Variants in CELF4 observed in about 807,000 individuals in gnomAD.
The protein encoded by CELF4 is CUG-BP- and ETR-3-like factor 4.
Under a neutral mutation model 59.9 loss-of-function variants are expected in CELF4, and 18 were observed. That is an observed-to-expected ratio of 0.30 (90% CI 0.21 to 0.45). The LOEUF (loss-of-function observed/expected upper bound fraction) is 0.45. CELF4 is among the 20% of genes least tolerant of loss of function. CELF4 has a pLI of 1.00. For synonymous variants in CELF4, 261 were observed against 267.1 expected (o/e 0.98, Z 0.22); for missense variants, 456 against 689.0 (o/e 0.66, Z 3.79).
At chr18:37,406,096 C>T (rs1021717438) in intron 2 of CELF4, among the ~76,000 whole-genome samples, 3 of 151,970 alleles carry the variant, frequency 2.0e-5, no homozygotes, top group African/African-American at 4.8e-5. Context: ...GAAACTGCCT[C>T]GCTGAGTTGT....
intron 2 of CELF4, among the ~76,000 whole-genome samples, chr18:37,482,996 G>C (rs2099872538): frequency 6.6e-6 from 1 of 152,136 alleles, no homozygotes; most frequent in Non-Finnish European, 1.5e-5. Context: ...GTCAGACATA[G>C]AGTGTGCTTG....
intron 1 of CELF4, among the ~76,000 whole-genome samples, chr18:37,523,503 G>A (rs561256818): frequency 1.4e-4 from 21 of 152,292 alleles, no homozygotes; most frequent in African/African-American, 5.1e-4. Context: ...TGGTGACCCC[G>A]GCTGGGGAGA....
At chr18:37,410,156 A>T (rs539876246) in intron 2 of CELF4, among the ~76,000 whole-genome samples, 14 of 152,244 alleles carry the variant, frequency 9.2e-5, no homozygotes, top group African/African-American at 3.4e-4. Flanking sequence ...GGAGAAGAGC[A>T]AAGCTGGACT....
Position 37,562,782 on chromosome 18 carries a change from C to T in CELF4, c.286+2574G>A, listed in dbSNP as rs577459459. On this transcript the variant is annotated intron_variant, in intron 1 of 12. Transcript: ENST00000420428. ...GACTGAATAAACCAGACCTCGGAAA[C>T]GGTCTCATTTATTCAGCTCTCTGAG... Among the ~76,000 whole-genome samples the T allele has an allele frequency of 1.2e-4, 18 of 152,264 alleles. No homozygotes were observed. The East Asian group carries it at 1.4e-3, about 11-fold the overall frequency.
chr18:37,442,799 G>T (rs543324925), intron 2 of CELF4, among the ~76,000 whole-genome samples: 3 of 152,298 alleles, frequency 2.0e-5, no homozygotes, highest in East Asian at 1.9e-4. Context: ...TTACGGAGGC[G>T]CCTTGCAATT....
chr18:37,259,218 A>C lies in CELF4; in HGVS notation c.1296T>G (p.Phe432Leu). 1 of 1,576,788 alleles carries C rather than the reference A, an allele frequency of 6.3e-7. No homozygotes were observed. The change falls in exon 11 of 13, where the codon TTT becomes TTG. Residue 432 changes from phenylalanine to leucine, a missense_variant. Phe to Leu is a conservative substitution (Grantham distance 22). This residue lies in a region of CELF4 where 256 missense variants were observed against 340.8 expected (regional missense o/e 0.75). Transcript: ENST00000420428. ...NLFIYHLPQE[F>L]GDAELMQMFL... ...ACATCTGCATCAGCTCAGCGTCCCCAAACTCCTGGGGCAGATGGTAGATGA... is the reference window on the plus strand; with the variant it reads ...ACATCTGCATCAGCTCAGCGTCCCCCAACTCCTGGGGCAGATGGTAGATGA...
chr18:37,414,503 CTT>C (rs55943928), intron 2 of CELF4, among the ~76,000 whole-genome samples: 4 of 116,066 alleles, frequency 3.4e-5, no homozygotes, highest in Non-Finnish European at 6.6e-5. Context: ...CTTTTCTTTT[CTT>C]TTTTTTTTTT....
intron 2 of CELF4, among the ~76,000 whole-genome samples, chr18:37,460,765 C>T (rs777156323): frequency 1.3e-5 from 2 of 152,236 alleles, no homozygotes; most frequent in Admixed American, 6.5e-5. Flanking sequence ...TTACTCAACA[C>T]TGGTTCCCAC....
intron 2 of CELF4, among the ~76,000 whole-genome samples, chr18:37,335,514 G>GTGT (rs1569565865): frequency 6.7e-6 from 1 of 149,212 alleles, no homozygotes; most frequent in African/African-American, 2.5e-5. Flanking sequence ...TGTGTGTGTG[G>GTGT]AGGTGTGGGG....
At chr18:37,485,680 C>G in intron 1 of CELF4, 73 bp from the exon 2 acceptor site, 1 of 986,896 alleles carries the variant, frequency 1.0e-6, no homozygotes, top group Non-Finnish European at 1.4e-6. Context: ...CTGCCGCCCG[C>G]CCTCCAGGCT....
At chr18:37,247,629 A>ACACGCACACACACG (rs2062842733) in intron 12 of CELF4, 1 of 152,118 alleles carries the variant, frequency 6.6e-6, no homozygotes, top group Non-Finnish European at 1.5e-5. Flanking sequence ...CAACACACAC[A>ACACGCACACACACG]CACGCACACA....
intron 2 of CELF4, among the ~76,000 whole-genome samples, chr18:37,472,324 C>T (rs756927957): frequency 3.3e-5 from 5 of 152,248 alleles, no homozygotes; most frequent in Non-Finnish European, 4.4e-5. Context: ...CTGCGGCCAG[C>T]CCTGCACTAG....
chr18:37,473,811 G>C (rs1037713750), intron 2 of CELF4: 1 of 152,192 alleles, frequency 6.6e-6, no homozygotes, highest in Non-Finnish European at 1.5e-5. Flanking sequence ...AATATTATCC[G>C]GCCCTTCTCC....
intron 2 of CELF4, among the ~76,000 whole-genome samples, chr18:37,465,040 T>A (rs149128417): frequency 1.1e-3 from 162 of 152,278 alleles, no homozygotes; most frequent in African/African-American, 3.7e-3. Flanking sequence ...CAGGCCTTAC[T>A]TAGTTTCCTC....
intron 1 of CELF4, among the ~76,000 whole-genome samples, chr18:37,517,886 C>T (rs1160600143): frequency 6.6e-6 from 1 of 152,168 alleles, no homozygotes; most frequent in East Asian, 1.9e-4. Context: ...GGCAGATCAC[C>T]TGTGTTCCAG....
At chr18:37,504,333 A>G (rs535929577) in intron 1 of CELF4, among the ~76,000 whole-genome samples, 12 of 152,050 alleles carry the variant, frequency 7.9e-5, no homozygotes, top group Non-Finnish European at 1.5e-4. Context: ...TCTACTAAAA[A>G]TACAAAATTA....
At chr18:37,493,974 G>A (rs1263872415) in intron 1 of CELF4, among the ~76,000 whole-genome samples, 2 of 152,310 alleles carry the variant, frequency 1.3e-5, no homozygotes, top group South Asian at 2.1e-4. Context: ...AGACAGAGAT[G>A]TGCACAGAGC....
chr18:37,490,608 G>C (rs1207249512), intron 1 of CELF4, among the ~76,000 whole-genome samples: 1 of 152,102 alleles, frequency 6.6e-6, no homozygotes, highest in Non-Finnish European at 1.5e-5. Flanking sequence ...GCGGTGCTGG[G>C]AGTTGACACA....
chr18:37,504,360 C>T (rs544772336), intron 1 of CELF4, among the ~76,000 whole-genome samples: 7 of 150,094 alleles, frequency 4.7e-5, no homozygotes, highest in Admixed American at 3.3e-4. Flanking sequence ...CATGGTGGTA[C>T]GTGCCTGTAA....
Sources: gnomAD v4.1 joint callset for allele counts (sites outside exome capture counted in the v4.1 genomes callset) on GRCh38, gnomAD v4.1.1 for gene constraint, gnomAD v4.1.1 regional missense constraint, MANE v1.5 for transcripts, NCBI Gene and HGNC (gene_info 2026-07-23, HGNC 2026-07-21) for gene names.